Variants in PIP5K1C observed in about 807,000 individuals in gnomAD.
PIP5K1C encodes the protein phosphatidylinositol-4-phosphate 5-kinase type 1 gamma.
PIP5K1C carries 45 observed loss-of-function variants against 80.1 expected under a neutral mutation model. The ratio of observed to expected loss-of-function variants is 0.56; its 90% CI spans 0.44 to 0.72. PIP5K1C has a LOEUF of 0.72. Among genes scored for constraint, PIP5K1C ranks in the 30% least tolerant of loss-of-function variants. PIP5K1C has a pLI of 0.00. For synonymous variants in PIP5K1C, 498 were observed against 420.1 expected, an observed-to-expected ratio of 1.19 and a Z score of -2.27; for missense variants, 753 against 954.6, an observed-to-expected ratio of 0.79 and a Z score of 2.78.
chr19:3,659,875 G>T (rs909900218), intron 5 of PIP5K1C, among the ~76,000 whole-genome samples: 1 of 152,220 alleles, frequency 6.6e-6, no homozygotes, highest in African/African-American at 2.4e-5. Flanking sequence ...CGACCACCGC[G>T]GGTGAGGGCA....
chr19:3,654,556 C>T (rs1388410402), intron 6 of PIP5K1C, among the ~76,000 whole-genome samples: 1 of 152,242 alleles, frequency 6.6e-6, no homozygotes, highest in Non-Finnish European at 1.5e-5. Flanking sequence ...TGGCTCATGC[C>T]TGTAATCCTA....
At chr19:3,697,506 G>T (rs1223822611) in intron 1 of PIP5K1C, among the ~76,000 whole-genome samples, 1 of 152,084 alleles carries the variant, frequency 6.6e-6, no homozygotes, top group Non-Finnish European at 1.5e-5. Context: ...CTGGACCAGG[G>T]AGGACCAAGC....
At chr19:3,667,939 G>A (rs774722208) in intron 1 of PIP5K1C, among the ~76,000 whole-genome samples, 9 of 152,178 alleles carry the variant, frequency 5.9e-5, no homozygotes, top group Non-Finnish European at 1.2e-4. Flanking sequence ...GGGCAGCTGC[G>A]GTCAGTGGGA....
intron 5 of PIP5K1C, among the ~76,000 whole-genome samples, chr19:3,657,278 GT>G (rs1310509375): frequency 6.6e-6 from 1 of 152,222 alleles, no homozygotes; most frequent in Non-Finnish European, 1.5e-5. Flanking sequence ...GCAGGTGGAA[GT>G]TTTTTTGTGT....
At chr19:3,690,737 T>C (rs1164798154) in intron 1 of PIP5K1C, among the ~76,000 whole-genome samples, 2 of 152,064 alleles carry the variant, frequency 1.3e-5, no homozygotes, top group Non-Finnish European at 2.9e-5. Flanking sequence ...GTAGCTGCCA[T>C]AACAAATAAA....
At chr19:3,682,689 T>TA (rs1012639777) in intron 1 of PIP5K1C, among the ~76,000 whole-genome samples, 1 of 151,740 alleles carries the variant, frequency 6.6e-6, no homozygotes. Flanking sequence ...ACTGTCCCTA[T>TA]AAAAAAATTA....
intron 5 of PIP5K1C, among the ~76,000 whole-genome samples, chr19:3,657,029 C>T (rs1416343410): frequency 2.0e-5 from 3 of 152,230 alleles, no homozygotes; most frequent in Non-Finnish European, 4.4e-5. Flanking sequence ...TATTTCCCTC[C>T]TGAGATGCTG....
chr19:3,697,508 G>A (rs568745962), intron 1 of PIP5K1C, among the ~76,000 whole-genome samples: 2 of 152,106 alleles, frequency 1.3e-5, no homozygotes, highest in African/African-American at 4.8e-5. Context: ...GGACCAGGGA[G>A]GACCAAGCTG....
Position 3,664,909 on chromosome 19 carries a change from C to G in PIP5K1C, c.132G>C (p.Leu44=). The change falls in exon 3 of 18, where the codon CTG becomes CTC. Residue 44 remains leucine (L), a synonymous_variant. Transcript: ENST00000335312. Reference sequence around the variant, plus strand: ...CAGGGCCCGGCTGTGCCGTCATGGACAGAACCTGGGAAGAGGAAGCAGGAA... The same window carrying G: ...CAGGGCCCGGCTGTGCCGTCATGGAGAGAACCTGGGAAGAGGAAGCAGGAA... The part of the protein sequence containing the change: ...AQKKAAPTEV[L]SMTAQPGPGH... 1 of 1,612,818 alleles carries G rather than the reference C, an allele frequency of 6.2e-7. No individual in the cohort carries two copies. The highest frequency in any genetic ancestry group is 8.5e-7 in the Non-Finnish European group (1 of 1,179,656).
At chr19:3,700,116 T>C (rs1011262648) in intron 1 of PIP5K1C, among the ~76,000 whole-genome samples, 181 bp downstream of exon 1, 1 of 151,644 alleles carries the variant, frequency 6.6e-6, no homozygotes, top group Non-Finnish European at 1.5e-5. Context: ...GCCTCCCGCT[T>C]CCCGGCGCGG....
chr19:3,656,420 G>T lies in PIP5K1C; in HGVS notation c.606C>A (p.Leu202=), dbSNP rs761319607. 2 of 1,613,482 alleles carry T rather than the reference G, an allele frequency of 1.2e-6. No homozygotes were observed. Among genetic ancestry groups the T allele is most frequent in the Non-Finnish European group, 1.7e-6 (2 of 1,180,030 alleles). Residue 202 remains leucine, a synonymous_variant, in exon 6 of 18, where the codon CTC becomes CTA. Transcript: ENST00000335312. The part of the protein sequence containing the change: ...HKEAEFLQKL[L]PGYYMNLNQN... ...GGCCACGCACCATGTAGTAGCCAGG[G>T]AGCAGCTTCTGCAGGAACTCGGCCT...
intron 1 of PIP5K1C, among the ~76,000 whole-genome samples, chr19:3,675,062 G>T (rs952804078): frequency 7.9e-5 from 12 of 152,302 alleles, no homozygotes; most frequent in Non-Finnish European, 1.8e-4. Context: ...AGAGAGACAG[G>T]GAGGGGATGC....
chr19:3,678,400 A>G (rs111211875), intron 1 of PIP5K1C, among the ~76,000 whole-genome samples: 7,403 of 108,558 alleles, frequency 0.068, 259 homozygotes, highest in South Asian at 0.086. Flanking sequence ...GGATGGAGGG[A>G]TAGAGATGGA....
chr19:3,664,343 C>T (rs918469473), intron 3 of PIP5K1C, among the ~76,000 whole-genome samples: 2 of 152,000 alleles, frequency 1.3e-5, no homozygotes, highest in African/African-American at 4.8e-5. Flanking sequence ...ACTTTAAAGG[C>T]TGAATTGTAC....
intron 15 of PIP5K1C, 140 bp downstream of exon 15, chr19:3,641,565 T>C: frequency 1.4e-6 from 1 of 705,056 alleles, no homozygotes; most frequent in East Asian, 2.7e-5. Context: ...AATCAAAAAA[T>C]AAACTTATGG....
At chr19:3,668,877 G>C (rs954967847) in intron 1 of PIP5K1C, among the ~76,000 whole-genome samples, 3 of 152,210 alleles carry the variant, frequency 2.0e-5, no homozygotes, top group African/African-American at 7.2e-5. Context: ...GCAGCACAAA[G>C]GTCACAAGGT....
intron 16 of PIP5K1C, among the ~76,000 whole-genome samples, chr19:3,638,392 G>A (rs867384606): frequency 3.9e-5 from 6 of 152,148 alleles, no homozygotes; most frequent in African/African-American, 9.7e-5. Context: ...CCGGTCCCCC[G>A]GCCCTCCTCA....
intron 1 of PIP5K1C, among the ~76,000 whole-genome samples, chr19:3,680,866 G>C (rs902290172): frequency 3.3e-5 from 5 of 152,148 alleles, no homozygotes; most frequent in Admixed American, 2.6e-4. Flanking sequence ...CTGCCCTCCA[G>C]GGCACACTGG....
At chr19:3,658,452 G>A (rs1271195537) in intron 5 of PIP5K1C, among the ~76,000 whole-genome samples, 1 of 152,238 alleles carries the variant, frequency 6.6e-6, no homozygotes, top group Non-Finnish European at 1.5e-5. Context: ...AATATCCACA[G>A]GAAACACAGA....
Sources: allele counts gnomAD v4.1 joint callset (sites outside exome capture counted in the v4.1 genomes callset), GRCh38; gene constraint gnomAD v4.1.1; transcripts MANE v1.5; gene names NCBI Gene and HGNC (gene_info 2026-07-23, HGNC 2026-07-21).